The following NWD2 variants were observed in gnomAD, a reference collection of about 807,000 sequenced individuals.
NWD2 encodes NACHT and WD repeat domain containing 2.
In NWD2, 37 loss-of-function variants were observed where a neutral mutation model predicts 132.7. The observed-to-expected ratio is 0.28, with a 90% CI of 0.21 to 0.37. The LOEUF (loss-of-function observed/expected upper bound fraction) is 0.37, where lower values mean the gene tolerates loss of function less well. Among genes scored for constraint, NWD2 ranks in the 10% least tolerant of loss-of-function variants. The pLI is 1.00. For missense variants in NWD2, 1,592 were observed against 2,122.4 expected (o/e 0.75, Z 4.91); for synonymous variants, 705 against 803.0 (o/e 0.88, Z 2.06).
intron 3 of NWD2, among the ~76,000 whole-genome samples, chr4:37,398,369 A>G (rs1024369250): frequency 6.6e-6 from 1 of 152,228 alleles, no homozygotes; most frequent in African/African-American, 2.4e-5. Context: ...CAAACACTGC[A>G]TGTTCTCAGT....
intron 2 of NWD2, among the ~76,000 whole-genome samples, chr4:37,339,004 A>T (rs1040545469): frequency 1.3e-5 from 2 of 152,222 alleles, no homozygotes; most frequent in African/African-American, 2.4e-5. Context: ...AATCAAATGG[A>T]TGCTGCTTTT....
rs564837157 is a variant in NWD2, at chr4:37,365,928, G to A, written c.357+9446G>A. Reference sequence around the variant, plus strand: ...AAGAAAAATGTTCACTTTTATAGCTGTAGTCCAAAGGACTTCTAAGTAGGC... The same window carrying A: ...AAGAAAAATGTTCACTTTTATAGCTATAGTCCAAAGGACTTCTAAGTAGGC... On this transcript the variant is annotated intron_variant, in intron 3 of 6. Transcript: ENST00000309447. 3.8e-3 allele frequency among the ~76,000 whole-genome samples: 586 copies of A among 152,272 alleles called. 1 individual carries two copies. Among genetic ancestry groups the A allele is most frequent in the Non-Finnish European group, 4.4e-3 (298 of 68,020 alleles).
At chr4:37,356,542 TG>T (rs1206265232) in intron 3 of NWD2, 60 bp downstream of exon 3, 8 of 1,091,244 alleles carry the variant, frequency 7.3e-6, no homozygotes, top group Non-Finnish European at 9.5e-6. Context: ...GAATTATTGC[TG>T]ATTTGTGATT....
intron 4 of NWD2, among the ~76,000 whole-genome samples, chr4:37,432,322 A>T (rs1312749625): frequency 1.3e-5 from 2 of 151,446 alleles, no homozygotes; most frequent in African/African-American, 2.4e-5. Context: ...AACAATATTC[A>T]TACAGATAAT....
intron 1 of NWD2, among the ~76,000 whole-genome samples, chr4:37,272,156 G>A (rs1343254782): frequency 1.3e-5 from 2 of 151,562 alleles, no homozygotes; most frequent in Non-Finnish European, 3.0e-5. Flanking sequence ...AACCTAACTT[G>A]GTCGTGATGT....
At chr4:37,394,908 G>C (rs865950568) in intron 3 of NWD2, among the ~76,000 whole-genome samples, 1 of 138,692 alleles carries the variant, frequency 7.2e-6, no homozygotes, top group South Asian at 2.4e-4. Flanking sequence ...TGCCTCCTGG[G>C]TTCCAGTGAT....
chr4:37,310,130 C>A (rs1420659637), intron 1 of NWD2, among the ~76,000 whole-genome samples: 1 of 152,160 alleles, frequency 6.6e-6, no homozygotes, highest in Non-Finnish European at 1.5e-5. Flanking sequence ...CATGTACCCA[C>A]AAATGACAAA....
At chr4:37,247,568 C>T (rs757624070) in intron 1 of NWD2, among the ~76,000 whole-genome samples, 1 of 151,962 alleles carries the variant, frequency 6.6e-6, no homozygotes, top group Non-Finnish European at 1.5e-5. Context: ...ATTTCCCCAT[C>T]GGTAACGAAG....
At chr4:37,434,159 G>A in intron 5 of NWD2, 139 bp downstream of exon 5, 1 of 535,276 alleles carries the variant, frequency 1.9e-6, no homozygotes, top group East Asian at 3.1e-5. Flanking sequence ...CCATGTTCTG[G>A]AGAAGCAAAT....
At chr4:37,434,789 T>C (rs1712273435) in intron 5 of NWD2, among the ~76,000 whole-genome samples, 1 of 33,140 alleles carries the variant, frequency 3.0e-5, no homozygotes, top group Non-Finnish European at 6.8e-5. Flanking sequence ...TTTTTTTTCT[T>C]TTTTTTTTTT....
chr4:37,270,589 C>A (rs1275101042), intron 1 of NWD2, among the ~76,000 whole-genome samples: 1 of 151,620 alleles, frequency 6.6e-6, no homozygotes, highest in Non-Finnish European at 1.5e-5. Context: ...ACGTTAGGAA[C>A]AATCATGACT....
At chr4:37,300,068 A>AT (rs1420773492) in intron 1 of NWD2, among the ~76,000 whole-genome samples, 3 of 152,098 alleles carry the variant, frequency 2.0e-5, no homozygotes, top group Non-Finnish European at 2.9e-5. Context: ...CTCCTCCTTC[A>AT]TACCTGGGAA....
rs115406392 is a variant in NWD2, at chr4:37,372,645, A to G, written c.357+16163A>G. Among the ~76,000 whole-genome samples the G allele has an allele frequency of 4.6e-3, 703 of 152,338 alleles. 8 individuals are homozygous for G. Among genetic ancestry groups the G allele is most frequent in the African/African-American group, 0.016 (675 of 41,580 alleles). On this transcript the variant is annotated intron_variant, in intron 3 of 6. Coordinates refer to ENST00000309447, the MANE Select transcript of NWD2 (RefSeq NM_001144990.2). Reference sequence around the variant, plus strand: ...TTTAATATGATTTGTTTTCATATATATCAAGGTCAAAGGATAGCATTCTTG... The same window carrying G: ...TTTAATATGATTTGTTTTCATATATGTCAAGGTCAAAGGATAGCATTCTTG...
chr4:37,269,341 T>C (rs1325153871), intron 1 of NWD2, among the ~76,000 whole-genome samples: 1 of 151,872 alleles, frequency 6.6e-6, no homozygotes, highest in Non-Finnish European at 1.5e-5. Context: ...GTCTAAAATA[T>C]TAAAGTAAAA....
rs2109330816 is a variant in NWD2, at chr4:37,443,272, T to G, written c.1297-13T>G. 6.5e-7 allele frequency: 1 copy of G among 1,543,528 alleles called. No homozygotes were observed. Among genetic ancestry groups the G allele is most frequent in the African/African-American group, 1.4e-5 (1 of 72,890 alleles). On this transcript the variant is annotated splice_polypyrimidine_tract_variant and intron_variant, in intron 6 of 6. Coordinates refer to ENST00000309447, the MANE Select transcript of NWD2 (RefSeq NM_001144990.2). This position sits in a 1 kb window ranked among gnomAD's most constrained non-coding sequence, Gnocchi z 4.1. ...TACATATTACCATTCTAAACTCCAC[T>G]TTTGTGTTTCAGGCTTATGGCTGGC...
Position 37,443,459 on chromosome 4 carries a change from G to A in NWD2, c.1471G>A (p.Asp491Asn), listed in dbSNP as rs1313019959. 3 of 1,552,212 alleles carry A rather than the reference G, an allele frequency of 1.9e-6. No homozygotes were observed. Among genetic ancestry groups the A allele is most frequent in the Admixed American group, 2.0e-5 (1 of 51,004 alleles). Residue 491 changes from aspartate (D) to asparagine (N), a missense_variant, in exon 7 of 7, where the codon GAC (aspartate) becomes AAC (asparagine). Asp to Asn is a conservative substitution (Grantham distance 23). This residue lies in a region of NWD2 where 1,071 missense variants were observed against 1,398.0 expected (regional missense o/e 0.77). Coordinates refer to ENST00000309447, the MANE Select transcript of NWD2 (RefSeq NM_001144990.2). The surrounding 1 kb of genome is among the most constrained non-coding windows in gnomAD (Gnocchi z 4.1). ...LVQSYPKKIH[D>N]LCDLFINLLN... ...TCAAAGCTACCCTAAGAAGATCCAT[G>A]ACCTCTGTGACTTATTTATAAATCT...
rs1035863140 is a variant in NWD2 at position 37,244,828 on chromosome 4, C to T, written c.-240C>T. The T allele has an allele frequency of 9.9e-5, 50 of 505,734 alleles. No individual in the cohort carries two copies. The highest frequency in any genetic ancestry group is 1.7e-4 in the Non-Finnish European group (49 of 289,658). The allele number at this position is 505,734 out of a possible 1,614,324, so 31.3% of individuals were successfully genotyped here. A position where few individuals can be genotyped will look rare whatever the true frequency, so the allele number is the denominator to read the frequency against. ...TCGGAGCCCTAGCAGCGGGCGAAGG[C>T]GGAGGCCCAGAAGGGCAGGAGACCG... is the stretch of plus-strand genomic sequence containing the variant. On this transcript the variant is annotated 5_prime_UTR_variant, in exon 1 of 7. Transcript: ENST00000309447. The surrounding 1 kb of genome is among the most constrained non-coding windows in gnomAD (Gnocchi z 5.5).
At chr4:37,396,812 C>G (rs548734777) in intron 3 of NWD2, among the ~76,000 whole-genome samples, 3 of 152,258 alleles carry the variant, frequency 2.0e-5, no homozygotes, top group African/African-American at 7.2e-5. Context: ...GCGGGTGGAT[C>G]AACTGAGGTC....
chr4:37,252,637 C>G (rs146010859), intron 1 of NWD2, among the ~76,000 whole-genome samples: 1 of 152,130 alleles, frequency 6.6e-6, no homozygotes, highest in African/African-American at 2.4e-5. Context: ...TTCAGCTAAG[C>G]CTAGACTTGG....
Sources: allele counts gnomAD v4.1 joint callset (sites outside exome capture counted in the v4.1 genomes callset), GRCh38; gene constraint gnomAD v4.1.1; regional missense constraint gnomAD v4.1.1; non-coding constraint Gnocchi (gnomAD v3.1); transcripts MANE v1.5; gene names NCBI Gene and HGNC (gene_info 2026-07-23, HGNC 2026-07-21).